Variants in RANBP2 observed in about 807,000 individuals in gnomAD.
The protein encoded by RANBP2 is RAN binding protein 2.
Under a neutral mutation model 303.6 loss-of-function variants are expected in RANBP2, and 57 were observed. The ratio of observed to expected loss-of-function variants is 0.19; its 90% confidence interval spans 0.15 to 0.23. RANBP2 has a LOEUF of 0.23. Among genes scored for constraint, RANBP2 ranks in the 10% least tolerant of loss-of-function variants. RANBP2 has a pLI of 1.00. For missense variants in RANBP2, 3,138 were observed against 3,780.8 expected (o/e 0.83, Z 4.46); for synonymous variants, 1,167 against 1,301.5 (o/e 0.90, Z 2.23).
At chr2:109,686,883 A>T in the RANBP2 span, among the ~76,000 whole-genome samples, 1 of 152,236 alleles carries the variant, frequency 6.6e-6, no homozygotes, top group Admixed American at 6.5e-5. Flanking sequence ...AATTACAGGC[A>T]TGAGCCACTG....
chr2:109,398,925 G>C, the RANBP2 span: 1 of 1,612,290 alleles, frequency 6.2e-7, no homozygotes. Flanking sequence ...CTCATCTGTC[G>C]TGCGCTGCTC....
At chr2:109,150,382 A>G in the RANBP2 span, among the ~76,000 whole-genome samples, 1 of 152,200 alleles carries the variant, frequency 6.6e-6, no homozygotes, top group African/African-American at 2.4e-5. Flanking sequence ...ATTTTTGTCT[A>G]TAACCTGATG....
the RANBP2 span, among the ~76,000 whole-genome samples, chr2:109,622,827 T>A: frequency 6.6e-6 from 1 of 152,186 alleles, no homozygotes; most frequent in Admixed American, 6.5e-5. Context: ...ACTAAAAGAA[T>A]TTTGATAGTT....
At chr2:109,572,666 G>A in the RANBP2 span, among the ~76,000 whole-genome samples, 1 of 148,548 alleles carries the variant, frequency 6.7e-6, no homozygotes, top group East Asian at 2.0e-4. Context: ...GCCCAGGCTG[G>A]AGTGCAGTGG....
the RANBP2 span, among the ~76,000 whole-genome samples, chr2:109,318,149 A>C: frequency 6.6e-6 from 1 of 151,712 alleles, no homozygotes; most frequent in Admixed American, 6.6e-5. Flanking sequence ...AGGGACATTG[A>C]GAGACTAGAA....
chr2:108,907,898 C>T, the RANBP2 span: 2 of 1,613,648 alleles, frequency 1.2e-6, no homozygotes, highest in Middle Eastern at 1.6e-4. Context: ...TTCTCCCTGG[C>T]CAGGTGAACC....
the RANBP2 span, among the ~76,000 whole-genome samples, chr2:109,530,375 T>C: frequency 2.0e-5 from 3 of 152,270 alleles, no homozygotes; most frequent in South Asian, 6.2e-4. Flanking sequence ...GCGCCTCCAC[T>C]CTACGGAGTC....
the RANBP2 span, among the ~76,000 whole-genome samples, chr2:108,813,248 CAAAAAAAAAAA>C: frequency 1.6e-5 from 1 of 63,542 alleles, no homozygotes; most frequent in Non-Finnish European, 2.5e-5. Flanking sequence ...GACTCCGTCT[CAAAAAAAAAAA>C]AAAAAAAAAA....
chr2:109,161,816 G>A, the RANBP2 span, among the ~76,000 whole-genome samples: 31 of 151,928 alleles, frequency 2.0e-4, no homozygotes, highest in African/African-American at 7.5e-4. Context: ...TATTCATAGG[G>A]GATGCAAATA....
At chr2:109,448,624 T>G in the RANBP2 span, among the ~76,000 whole-genome samples, 6 of 152,238 alleles carry the variant, frequency 3.9e-5, no homozygotes, top group African/African-American at 1.4e-4. Context: ...TAGATGGGCC[T>G]GTCTAGTTGC....
chr2:109,368,828 G>T, the RANBP2 span, among the ~76,000 whole-genome samples: 3 of 151,800 alleles, frequency 2.0e-5, no homozygotes, highest in Non-Finnish European at 2.9e-5. Flanking sequence ...ATATTTTGCT[G>T]TTGTGACAGC....
At chr2:109,522,989 C>T in the RANBP2 span, among the ~76,000 whole-genome samples, 2 of 152,144 alleles carry the variant, frequency 1.3e-5, no homozygotes, top group Non-Finnish European at 2.9e-5. Flanking sequence ...CTAAAAGGCA[C>T]AAATCTGTGA....
At chr2:109,400,350 A>T in the RANBP2 span, among the ~76,000 whole-genome samples, 1 of 151,878 alleles carries the variant, frequency 6.6e-6, no homozygotes, top group Non-Finnish European at 1.5e-5. Context: ...ATGTGCACTT[A>T]CATACACCGC....
the RANBP2 span, among the ~76,000 whole-genome samples, chr2:109,327,564 T>A: frequency 6.6e-6 from 1 of 152,204 alleles, no homozygotes; most frequent in Non-Finnish European, 1.5e-5. Context: ...ATACATCAAG[T>A]TGGGAGAAAA....
chr2:109,666,999 T>G, the RANBP2 span: 1 of 436,794 alleles, frequency 2.3e-6, no homozygotes, highest in Non-Finnish European at 4.1e-6. Flanking sequence ...TGAGTCCTGA[T>G]TTCTGAGAGT....
the RANBP2 span, among the ~76,000 whole-genome samples, chr2:109,477,591 C>T: frequency 6.6e-6 from 1 of 150,772 alleles, no homozygotes; most frequent in Non-Finnish European, 1.5e-5. Context: ...CCTTGAGTTG[C>T]TGTAACAAAA....
the RANBP2 span, among the ~76,000 whole-genome samples, chr2:109,250,510 A>G: frequency 6.6e-6 from 1 of 151,966 alleles, no homozygotes; most frequent in Admixed American, 6.6e-5. Context: ...TGGAATAATA[A>G]TGGACTGGAT....
At chr2:109,356,263 T>G in the RANBP2 span, among the ~76,000 whole-genome samples, 67 of 152,212 alleles carry the variant, frequency 4.4e-4, no homozygotes, top group African/African-American at 1.5e-3. Flanking sequence ...ACATTCTAGA[T>G]CCCACCGCCC....
chr2:109,152,894 C>T, the RANBP2 span, among the ~76,000 whole-genome samples: 30 of 152,228 alleles, frequency 2.0e-4, no homozygotes, highest in East Asian at 3.9e-4. Flanking sequence ...TCCTTGTTCT[C>T]GATGGAGGCA....
Sources: gnomAD v4.1 joint callset for allele counts (sites outside exome capture counted in the v4.1 genomes callset) on GRCh38, gnomAD v4.1.1 for gene constraint, MANE v1.5 for transcripts, NCBI Gene and HGNC (gene_info 2026-07-23, HGNC 2026-07-21) for gene names.